The following CALR variants were observed in gnomAD, a reference collection of about 807,000 sequenced individuals.
The protein encoded by CALR is CRP55.
A neutral mutation model predicts 51.1 loss-of-function variants in CALR; 15 were observed. The ratio of observed to expected loss-of-function variants is 0.29; its 90% CI spans 0.20 to 0.45. The LOEUF (loss-of-function observed/expected upper bound fraction) is 0.45. CALR is among the 20% of genes least tolerant of loss of function. CALR has a pLI of 1.00. For synonymous variants in CALR, 239 were observed against 205.9 expected, an observed-to-expected ratio of 1.16 and a Z score of -1.38; for missense variants, 477 against 530.6, an observed-to-expected ratio of 0.90 and a Z score of 0.99.
Position 12,940,333 on chromosome 19 carries a change from T to C in CALR, c.583T>C (p.Ser195Pro). The change falls in exon 5 of 9, where the codon TCC becomes CCC. Residue 195 changes from serine to proline, a missense_variant. By Grantham distance (74) the Ser-to-Pro change is moderately conservative. Coordinates refer to ENST00000316448, the MANE Select transcript of CALR (RefSeq NM_004343.4). ...TGACAACAGCCAGGTGGAGTCCGGC[T>C]CCTTGGAAGACGATTGGGACTTCCT... ...KIDNSQVESGSLEDDWDFLPP... is the reference protein window; with the variant it reads ...KIDNSQVESGPLEDDWDFLPP... 6.2e-7 allele frequency: 1 copy of C among 1,614,164 alleles called. No homozygotes were observed. Among genetic ancestry groups the C allele is most frequent in the Non-Finnish European group, 8.5e-7 (1 of 1,180,030 alleles).
Position 12,943,661 on chromosome 19 carries a change from G to A in CALR, c.1053+32G>A, listed in dbSNP as rs1391934433. The A allele has an allele frequency of 1.9e-6, 3 of 1,614,162 alleles. No homozygotes were observed. In the Admixed American group the frequency reaches 5.0e-5, roughly 27 times the overall value. ...CCTGGTCCTGGTCCTGATGTCGGGG[G>A]CGGGCAGGGCTGGCAGGGGGCAAGG... On this transcript the variant is annotated intron_variant, in intron 8 of 8. Coordinates refer to ENST00000316448, the MANE Select transcript of CALR (RefSeq NM_004343.4).
chr19:12,942,591 ATCT>A (rs1971563747), intron 7 of CALR, among the ~76,000 whole-genome samples: 1 of 145,954 alleles, frequency 6.9e-6, no homozygotes, highest in South Asian at 2.1e-4. Context: ...GAGTCTCTCC[ATCT>A]TTTTTTTTTT....
rs1483848575 is a variant in CALR at position 12,943,584 on chromosome 19, G to A, written c.1008G>A (p.Glu336=). The stretch of plus-strand genomic sequence containing the variant: ...ACAACTTCCTCATCACCAACGATGA[G>A]GCATACGCTGAGGAGTTTGGCAACG... The part of the protein sequence containing the change: ...IFDNFLITND[E]AYAEEFGNET... The change falls in exon 8 of 9, where the codon GAG becomes GAA. Residue 336 remains glutamate, a synonymous_variant. Coordinates refer to ENST00000316448, the MANE Select transcript of CALR (RefSeq NM_004343.4). The A allele has an allele frequency of 6.2e-7, 1 of 1,614,176 alleles. No individual in the cohort carries two copies. Among genetic ancestry groups the A allele is most frequent in the East Asian group, 2.2e-5 (1 of 44,886 alleles).
At position 12,940,896 on chromosome 19, in the gene CALR, T is replaced by C. The variant is rs1469798467; in HGVS notation, c.960+9T>C. The C allele has an allele frequency of 6.2e-7, 1 of 1,613,800 alleles. No homozygotes were observed. The highest frequency in any genetic ancestry group is 2.2e-5 in the East Asian group (1 of 44,890). ...GCCTGGACCTCTGGCAGGTGAGACT[T>C]GGAGGAAAAAGGAGGATCCCTGGGG... On this transcript the variant is annotated intron_variant, in intron 7 of 8. Coordinates refer to ENST00000316448, the MANE Select transcript of CALR (RefSeq NM_004343.4).
At chr19:12,940,479 C>T (rs1971530997) in intron 5 of CALR, 27 bp downstream of exon 5, 5 of 1,613,080 alleles carry the variant, frequency 3.1e-6, no homozygotes, top group African/African-American at 2.7e-5. Flanking sequence ...GGGCTCTGCT[C>T]TCCACATTGG....
In CALR at chr19:12,940,522, C is replaced by T. The variant is rs75453089; in HGVS notation, c.703-19C>T. ...GGAAGACATCTGGGCCAACTCTGAT[C>T]TCTTCATCTACCCCCCAGGACTGGG... On this transcript the variant is annotated intron_variant, in intron 5 of 8. Transcript: ENST00000316448. 7.7e-4 allele frequency: 1,241 copies of T among 1,613,266 alleles called. 1 individual carries two copies. The highest frequency in any genetic ancestry group is 9.8e-4 in the Non-Finnish European group (1,160 of 1,179,190).
rs769661818 is a variant in CALR at position 12,943,566 on chromosome 19, C to T, written c.990C>T (p.Phe330=). 6.2e-7 allele frequency: 1 copy of T among 1,614,200 alleles called. No homozygotes were observed. The highest frequency in any genetic ancestry group is 1.3e-5 in the African/African-American group (1 of 75,042). The change falls in exon 8 of 9, where the codon TTC becomes TTT. Residue 330 remains phenylalanine (F), a synonymous_variant. Coordinates refer to ENST00000316448, the MANE Select transcript of CALR (RefSeq NM_004343.4). ...AGTCTGGCACCATCTTTGACAACTT[C>T]CTCATCACCAACGATGAGGCATACG... ...QVKSGTIFDN[F]LITNDEAYAE...
At chr19:12,941,527 A>C (rs1971546619) in intron 7 of CALR, among the ~76,000 whole-genome samples, 1 of 139,998 alleles carries the variant, frequency 7.1e-6, no homozygotes, top group African/African-American at 2.7e-5. Flanking sequence ...GCTGGAGTGC[A>C]GTGGTGTGAT....
In CALR at chr19:12,940,230, C is replaced by T. The variant is rs567317148; in HGVS notation, c.493-13C>T. The T allele has an allele frequency of 3.1e-6, 5 of 1,614,086 alleles. No individual in the cohort carries two copies. The highest frequency in any genetic ancestry group is 4.5e-5 in the East Asian group (2 of 44,888). On this transcript the variant is annotated splice_polypyrimidine_tract_variant and intron_variant, in intron 4 of 8. Transcript: ENST00000316448. ...TTGGGGGGTGGCCCCCGCTCACCTTCTTCCTTCTTCAGGATGATGAGTTTA... is the reference window on the plus strand; with the variant it reads ...TTGGGGGGTGGCCCCCGCTCACCTTTTTCCTTCTTCAGGATGATGAGTTTA...
At position 12,940,038 on chromosome 19, in the gene CALR, C is replaced by G. The variant is rs771491133; in HGVS notation, c.398-15C>G. The G allele has an allele frequency of 1.3e-6, 2 of 1,587,618 alleles. No individual in the cohort carries two copies. The highest frequency in any genetic ancestry group is 3.3e-5 in the Admixed American group (2 of 59,956). On this transcript the variant is annotated splice_polypyrimidine_tract_variant and intron_variant, in intron 3 of 8. Coordinates refer to ENST00000316448, the MANE Select transcript of CALR (RefSeq NM_004343.4). ...GGTAGTCTCTGACTCTTAACTGGAT[C>G]TGCTTCACACCTAGGTCCCGACATC...
Position 12,938,656 on chromosome 19 carries a change from G to A in CALR, c.-24G>A. On this transcript the variant is annotated 5_prime_UTR_variant, in exon 1 of 9. Coordinates refer to ENST00000316448, the MANE Select transcript of CALR (RefSeq NM_004343.4). ...CGGAGGGTCGTTTTAAAGGGCCCGC[G>A]CGTTGCCGCCCCCTCGGCCCGCCAT... The A allele has an allele frequency of 1.3e-6, 2 of 1,585,954 alleles. No individual in the cohort carries two copies. The highest frequency in any genetic ancestry group is 1.7e-6 in the Non-Finnish European group (2 of 1,162,504).
chr19:12,944,226 G>T lies in CALR; in HGVS notation c.*313G>T. 2 of 479,058 alleles carry T rather than the reference G, an allele frequency of 4.2e-6. No individual in the cohort carries two copies. The highest frequency in any genetic ancestry group is 4.4e-5 in the South Asian group (2 of 45,874). 29.7% of individuals were successfully genotyped at this position (479,058 alleles called of 1,614,324 possible). A position where few individuals can be genotyped will look rare whatever the true frequency, so the allele number is the denominator to read the frequency against. On this transcript the variant is annotated 3_prime_UTR_variant, in exon 9 of 9. Transcript: ENST00000316448. ...TCATCTCTTAGCTCCCCTCCAACCT[G>T]GGGGGCAGTGGTGTGGAGAAGCCAC...
At chr19:12,942,079 G>C (rs181769902) in intron 7 of CALR, among the ~76,000 whole-genome samples, 2 of 151,728 alleles carry the variant, frequency 1.3e-5, no homozygotes, top group African/African-American at 4.8e-5. Context: ...TTGGGACTTG[G>C]CCGGACACAG....
intron 3 of CALR, 50 bp from the exon 4 acceptor site, chr19:12,940,003 C>T (rs753900223): frequency 3.5e-5 from 46 of 1,298,296 alleles, no homozygotes; most frequent in Non-Finnish European, 4.9e-5. Flanking sequence ...GTGAGAGCCT[C>T]GAGATGATGG....
Position 12,939,184 on chromosome 19 carries a change from A to C in CALR, c.142A>C (p.Lys48Gln). Residue 48 changes from lysine (K) to glutamine (Q), a missense_variant, in exon 2 of 9, where the codon AAA becomes CAA. Lys to Gln is a moderately conservative substitution (Grantham distance 53, BLOSUM62 1). Transcript: ENST00000316448. The stretch of plus-strand genomic sequence containing the variant: ...ATCCAAACACAAGTCAGATTTTGGC[A>C]AATTCGTTCTCAGTTCCGGCAAGTT... Reference protein sequence around the residue: ...IESKHKSDFGKFVLSSGKFYG... With the variant: ...IESKHKSDFGQFVLSSGKFYG... 1 of 1,612,290 alleles carries C rather than the reference A, an allele frequency of 6.2e-7. No homozygotes were observed. Among genetic ancestry groups the C allele is most frequent in the East Asian group, 2.2e-5 (1 of 44,860 alleles).
intron 1 of CALR, 53 bp from the exon 2 acceptor site, chr19:12,939,081 T>TGG: frequency 9.7e-7 from 1 of 1,029,574 alleles, no homozygotes; most frequent in East Asian, 2.5e-5. Context: ...ATGTTTGGTG[T>TGG]GGGGGGGGAT....
chr19:12,940,215 G>GC, intron 4 of CALR, 28 bp from the exon 5 acceptor site: 4 of 1,609,308 alleles, frequency 2.5e-6, no homozygotes, highest in East Asian at 2.2e-5. Context: ...TTGGGGGGTG[G>GC]CCCCCGCTCA....
Position 12,940,353 on chromosome 19 carries a change from C to T in CALR, c.603C>T (p.Asp201=). The T allele has an allele frequency of 6.2e-7, 1 of 1,614,202 alleles. No individual in the cohort carries two copies. Among genetic ancestry groups the T allele is most frequent in the Non-Finnish European group, 8.5e-7 (1 of 1,180,036 alleles). ...CCGGCTCCTTGGAAGACGATTGGGA[C>T]TTCCTGCCACCCAAGAAGATAAAGG... ...VESGSLEDDW[D]FLPPKKIKDP... is the part of the protein sequence containing the mutation. Residue 201 remains aspartate, a synonymous_variant, in exon 5 of 9, where the codon GAC becomes GAT. Coordinates refer to ENST00000316448, the MANE Select transcript of CALR (RefSeq NM_004343.4).
Position 12,938,755 on chromosome 19 carries a change from C to T in CALR, c.76C>T (p.Gln26Ter). ...VAEPAVYFKE[Q>*]FLDGDGWTSR... ...CGAGCCTGCCGTCTACTTCAAGGAG[C>T]AGTTTCTGGACGGAGGTAACGCCTG... The change falls in exon 1 of 9, where the codon CAG becomes TAG. Residue 26 changes from glutamine to a stop codon, truncating the protein, a stop_gained. Coordinates refer to ENST00000316448, the MANE Select transcript of CALR (RefSeq NM_004343.4). LOFTEE classifies it high-confidence loss of function. The T allele has an allele frequency of 6.2e-7, 1 of 1,610,838 alleles. No individual in the cohort carries two copies. Among genetic ancestry groups the T allele is most frequent in the Non-Finnish European group, 8.5e-7 (1 of 1,178,878 alleles).
Sources: gnomAD v4.1 joint callset for allele counts (sites outside exome capture counted in the v4.1 genomes callset) on GRCh38, gnomAD v4.1.1 for gene constraint, MANE v1.5 for transcripts, NCBI Gene and HGNC (gene_info 2026-07-23, HGNC 2026-07-21) for gene names.